The following FAR1 variants were observed in gnomAD, a reference collection of about 807,000 sequenced individuals.
FAR1 encodes the protein male sterility domain-containing protein 2.
In FAR1, 22 loss-of-function variants were observed where a neutral mutation model predicts 61.1. That is an observed-to-expected ratio of 0.36 (90% CI 0.26 to 0.51). FAR1 has a LOEUF of 0.51. Among genes scored for constraint, FAR1 ranks in the 20% least tolerant of loss-of-function variants. The pLI, the probability that FAR1 is intolerant of heterozygous loss-of-function variation, is 0.95. For synonymous variants in FAR1, 206 were observed against 209.7 expected, an observed-to-expected ratio of 0.98 and a Z score of 0.15; for missense variants, 359 against 626.9, an observed-to-expected ratio of 0.57 and a Z score of 4.56.
At chr11:13,688,035 C>T (rs576379287) in intron 1 of FAR1, among the ~76,000 whole-genome samples, 187 of 151,814 alleles carry the variant, frequency 1.2e-3, no homozygotes, top group African/African-American at 4.3e-3. Flanking sequence ...ACCAACATGG[C>T]ACATGTATAC....
intron 1 of FAR1, among the ~76,000 whole-genome samples, chr11:13,683,736 A>G (rs2134172109): frequency 6.6e-6 from 1 of 152,216 alleles, no homozygotes; most frequent in Non-Finnish European, 1.5e-5. Context: ...AGAAGAGCCA[A>G]TTTTAATAGA....
intron 1 of FAR1, among the ~76,000 whole-genome samples, chr11:13,672,015 A>G (rs1848010597): frequency 6.6e-6 from 1 of 152,226 alleles, no homozygotes; most frequent in Admixed American, 6.5e-5. Flanking sequence ...GGTGGTGGTT[A>G]GCAACAAAGT....
intron 2 of FAR1, among the ~76,000 whole-genome samples, chr11:13,696,448 G>T (rs1390529895): frequency 6.6e-6 from 1 of 152,118 alleles, no homozygotes; most frequent in Admixed American, 6.5e-5. Flanking sequence ...TTGAGGGTCT[G>T]AGTAAAACAT....
intron 1 of FAR1, among the ~76,000 whole-genome samples, chr11:13,684,312 G>A (rs1848162658): frequency 6.6e-6 from 1 of 152,144 alleles, no homozygotes; most frequent in African/African-American, 2.4e-5. Flanking sequence ...GAAAACATAG[G>A]TTGAGCATCA....
chr11:13,723,387 C>CA (rs747837539), intron 10 of FAR1: 250 of 388,992 alleles, frequency 6.4e-4, no homozygotes, highest in Admixed American at 1.0e-3. Context: ...AAAAAAACCC[C>CA]AAAAAAAAAC....
At chr11:13,725,114 T>C (rs998792034) in intron 10 of FAR1, among the ~76,000 whole-genome samples, 2 of 152,236 alleles carry the variant, frequency 1.3e-5, no homozygotes, top group African/African-American at 4.8e-5. Flanking sequence ...ATTTGAGTTA[T>C]TTCCAGTTTC....
At chr11:13,688,491 T>A (rs970020913) in intron 1 of FAR1, among the ~76,000 whole-genome samples, 1 of 152,180 alleles carries the variant, frequency 6.6e-6, no homozygotes, top group African/African-American at 2.4e-5. Flanking sequence ...ATTCTGGGTT[T>A]TTTTTAGGGT....
chr11:13,712,956 G>C lies in FAR1; in HGVS notation c.888-10G>C, dbSNP rs774555742. The C allele has an allele frequency of 1.9e-6, 3 of 1,611,002 alleles. No homozygotes were observed. The highest frequency in any genetic ancestry group is 1.7e-5 in the Admixed American group (1 of 59,850). On this transcript the variant is annotated splice_polypyrimidine_tract_variant and intron_variant, in intron 7 of 11. Coordinates refer to ENST00000354817, the MANE Select transcript of FAR1 (RefSeq NM_032228.6). ...ATTATGATTAATTGGTTTCATCTTT[G>C]TCTTTGCAGACCAAGAAACATCATG... is the stretch of plus-strand genomic sequence containing the variant.
intron 1 of FAR1, among the ~76,000 whole-genome samples, chr11:13,678,609 A>C (rs1387800989): frequency 2.0e-5 from 3 of 152,184 alleles, no homozygotes; most frequent in African/African-American, 7.2e-5. Context: ...CCTTTCTTGG[A>C]AAATCATTAC....
At chr11:13,677,699 A>G (rs1272893791) in intron 1 of FAR1, among the ~76,000 whole-genome samples, 1 of 152,212 alleles carries the variant, frequency 6.6e-6, no homozygotes, top group Non-Finnish European at 1.5e-5. Context: ...AGTGCCTGTC[A>G]AGCTTTTTTA....
In FAR1 at chr11:13,729,740, A is replaced by G. The variant is rs1336026710; in HGVS notation, c.*966A>G. The G allele has an allele frequency of 2.6e-5, 4 of 152,024 alleles. No individual in the cohort carries two copies. The highest frequency in any genetic ancestry group is 5.9e-5 in the Non-Finnish European group (4 of 67,890). The allele number at this position is 152,024 out of a possible 1,614,324, so 9.4% of individuals were successfully genotyped here. Reference sequence around the variant, plus strand: ...CAGTGAAAACTGAAAGTGCATTATTATGGAAGAATGTATTTGCAGGTAGTA... The same window carrying G: ...CAGTGAAAACTGAAAGTGCATTATTGTGGAAGAATGTATTTGCAGGTAGTA... On this transcript the variant is annotated 3_prime_UTR_variant, in exon 12 of 12. Transcript: ENST00000354817.
intron 3 of FAR1, 112 bp from the exon 4 acceptor site, chr11:13,707,787 TA>T (rs1848449776): frequency 1.5e-6 from 1 of 687,072 alleles, no homozygotes. Context: ...GGATAAGTTG[TA>T]AAGAAACAAA....
At chr11:13,669,863 G>A (rs1302918666) in intron 1 of FAR1, among the ~76,000 whole-genome samples, 2 of 141,326 alleles carry the variant, frequency 1.4e-5, no homozygotes, top group Non-Finnish European at 3.1e-5. Context: ...TGGCAGTCAG[G>A]AATCCCTTAA....
At position 13,694,955 on chromosome 11, in the gene FAR1, G is replaced by C; in HGVS notation, c.189+1G>C. 1.2e-6 allele frequency: 2 copies of C among 1,602,794 alleles called. No homozygotes were observed. The highest frequency in any genetic ancestry group is 1.7e-6 in the Non-Finnish European group (2 of 1,174,336). ...AGTGGAAGAAGTCCTTAGTGGCAAG[G>C]TAAGTATGGAAAATGAGCACTCAGA... On this transcript the variant is annotated splice_donor_variant, in intron 2 of 11. Transcript: ENST00000354817. LOFTEE classifies it high-confidence loss of function.
Position 13,729,456 on chromosome 11 carries a change from A to G in FAR1, c.*682A>G, listed in dbSNP as rs1381061132. 3.9e-5 allele frequency: 6 copies of G among 152,014 alleles called. No individual in the cohort carries two copies. The East Asian group carries it at 1.2e-3, about 29-fold the overall frequency. The allele number at this position is 152,014 out of a possible 1,614,324, so 9.4% of individuals were successfully genotyped here. A position where few individuals can be genotyped will look rare whatever the true frequency, so the allele number is the denominator to read the frequency against. ...TCGATCTAAATGGGTTTGAGAATCC[A>G]TATCAGCAACATACGTGTTTTTTGA... On this transcript the variant is annotated 3_prime_UTR_variant, in exon 12 of 12. Coordinates refer to ENST00000354817, the MANE Select transcript of FAR1 (RefSeq NM_032228.6).
At chr11:13,717,702 C>G (rs915645090) in intron 9 of FAR1, among the ~76,000 whole-genome samples, 1 of 152,130 alleles carries the variant, frequency 6.6e-6, no homozygotes, top group Non-Finnish European at 1.5e-5. Context: ...TTAGGTTTAG[C>G]AGGACATGCG....
At chr11:13,713,071 T>A (rs1848517172) in intron 8 of FAR1, 38 bp downstream of exon 8, 1 of 1,574,212 alleles carries the variant, frequency 6.4e-7, no homozygotes, top group Non-Finnish European at 8.7e-7. Flanking sequence ...TTAGAATAAA[T>A]CTTAAAGAAC....
intron 9 of FAR1, chr11:13,719,878 C>G (rs1848591216): frequency 6.6e-6 from 1 of 152,064 alleles, no homozygotes; most frequent in South Asian, 2.1e-4. Flanking sequence ...TTGCCTTACT[C>G]TAAAGGATTG....
chr11:13,722,246 T>A (rs1485474039), intron 10 of FAR1, among the ~76,000 whole-genome samples: 1 of 152,156 alleles, frequency 6.6e-6, no homozygotes, highest in African/African-American at 2.4e-5. Flanking sequence ...TTATTCCACA[T>A]TTTGCCCTTT....
Sources: gnomAD v4.1 joint callset for allele counts (sites outside exome capture counted in the v4.1 genomes callset) on GRCh38, gnomAD v4.1.1 for gene constraint, MANE v1.5 for transcripts, NCBI Gene and HGNC (gene_info 2026-07-23, HGNC 2026-07-21) for gene names.